The following APBB2 variants were observed in gnomAD, a reference collection of about 807,000 sequenced individuals.
The protein encoded by APBB2 is amyloid beta precursor protein binding family B member 2, also known as Fe65-like 1.
A neutral mutation model predicts 82.5 loss-of-function variants in APBB2; 38 were observed. The observed-to-expected ratio is 0.46, with a 90% confidence interval of 0.36 to 0.60. APBB2 has a LOEUF of 0.60. APBB2 is among the 20% of genes least tolerant of loss of function. The probability of loss-of-function intolerance (pLI) is 0.00; values close to 1 mark genes in which losing one functional copy is unlikely to be tolerated. For synonymous variants in APBB2, 341 were observed against 368.2 expected (o/e 0.93, Z 0.85); for missense variants, 772 against 972.3 (o/e 0.79, Z 2.74).
chr4:41,031,464 G>T (rs1319081122), intron 5 of APBB2, among the ~76,000 whole-genome samples: 1 of 152,150 alleles, frequency 6.6e-6, no homozygotes, highest in African/African-American at 2.4e-5. Flanking sequence ...TGTGTTATAT[G>T]TCATACCGAT....
At chr4:41,020,935 A>G (rs775470668) in intron 5 of APBB2, among the ~76,000 whole-genome samples, 8 of 152,206 alleles carry the variant, frequency 5.3e-5, no homozygotes, top group Non-Finnish European at 8.8e-5. Flanking sequence ...GATGCCGCCC[A>G]GCGTTTACAG....
chr4:41,178,935 C>G (rs1257834264), intron 1 of APBB2, among the ~76,000 whole-genome samples: 1 of 152,190 alleles, frequency 6.6e-6, no homozygotes, highest in African/African-American at 2.4e-5. Flanking sequence ...TTCCACCCAC[C>G]CAGAACTGCC....
chr4:40,904,251 C>G (rs1028638424), intron 10 of APBB2, among the ~76,000 whole-genome samples: 3 of 151,834 alleles, frequency 2.0e-5, no homozygotes, highest in Admixed American at 2.0e-4. Flanking sequence ...GCCAACATGG[C>G]GAAACCCCGT....
At chr4:41,095,605 T>G (rs1743212050) in intron 3 of APBB2, among the ~76,000 whole-genome samples, 2 of 152,158 alleles carry the variant, frequency 1.3e-5, no homozygotes, top group African/African-American at 4.8e-5. Context: ...CATCCCATTG[T>G]GTAAATTATA....
intron 6 of APBB2, among the ~76,000 whole-genome samples, chr4:40,973,995 G>C (rs563675981): frequency 7.5e-4 from 114 of 152,074 alleles, no homozygotes; most frequent in African/African-American, 2.6e-3. Flanking sequence ...GGGATTACAG[G>C]CACGCGCCAC....
chr4:40,995,667 G>T (rs906729626), intron 6 of APBB2, among the ~76,000 whole-genome samples: 10 of 151,084 alleles, frequency 6.6e-5, no homozygotes, highest in Non-Finnish European at 1.0e-4. Context: ...AGCCTCCTAC[G>T]TAGCTGACGC....
At chr4:40,986,476 G>T (rs1202602149) in intron 6 of APBB2, among the ~76,000 whole-genome samples, 1 of 152,210 alleles carries the variant, frequency 6.6e-6, no homozygotes, top group Non-Finnish European at 1.5e-5. Context: ...TTGTGTGGGA[G>T]AGTACACATA....
At chr4:40,931,757 C>A (rs867177897) in intron 10 of APBB2, among the ~76,000 whole-genome samples, 6 of 152,008 alleles carry the variant, frequency 3.9e-5, no homozygotes, top group African/African-American at 1.2e-4. Context: ...ATTATTCCAG[C>A]CCAGACTGAT....
At chr4:40,976,875 C>G (rs1375371051) in intron 6 of APBB2, among the ~76,000 whole-genome samples, 3 of 151,804 alleles carry the variant, frequency 2.0e-5, no homozygotes, top group Non-Finnish European at 2.9e-5. Flanking sequence ...ATAGTGAGAC[C>G]CCATCCTATA....
chr4:41,181,052 T>A (rs934383112), intron 1 of APBB2, among the ~76,000 whole-genome samples: 1 of 152,328 alleles, frequency 6.6e-6, no homozygotes, highest in Admixed American at 6.5e-5. Context: ...ATCCCATCAA[T>A]TACATTTAAA....
chr4:41,034,996 A>T (rs1048097664), intron 4 of APBB2, among the ~76,000 whole-genome samples: 11 of 152,212 alleles, frequency 7.2e-5, no homozygotes, highest in Admixed American at 3.9e-4. Flanking sequence ...TGATATCAGG[A>T]TGATGGGGGT....
chr4:40,958,853 G>C (rs533312978), intron 6 of APBB2, among the ~76,000 whole-genome samples: 1 of 152,264 alleles, frequency 6.6e-6, no homozygotes, highest in Admixed American at 6.5e-5. Flanking sequence ...TGATCCTCCC[G>C]CCTCGGCCTT....
chr4:40,846,063 TGCCCTTGGTCAGG>T (rs1273022265), intron 12 of APBB2, among the ~76,000 whole-genome samples: 1 of 151,530 alleles, frequency 6.6e-6, no homozygotes, highest in Non-Finnish European at 1.5e-5. Context: ...ATCAGCTGTC[TGCCCTTGGTCAGG>T]GCCCTTAGCC....
chr4:41,064,742 C>T (rs1218882372), intron 4 of APBB2, among the ~76,000 whole-genome samples: 3 of 152,184 alleles, frequency 2.0e-5, no homozygotes, highest in Non-Finnish European at 4.4e-5. Context: ...AAGGTCATCC[C>T]TGAGGGAACT....
intron 12 of APBB2, among the ~76,000 whole-genome samples, chr4:40,836,607 G>C (rs1346927824): frequency 2.0e-5 from 3 of 152,200 alleles, no homozygotes; most frequent in Admixed American, 2.0e-4. Context: ...AAATTGCTGG[G>C]GAAGAGGGCA....
At chr4:41,011,138 GATT>G (rs201959757) in intron 6 of APBB2, among the ~76,000 whole-genome samples, 64 of 149,266 alleles carry the variant, frequency 4.3e-4, no homozygotes, top group African/African-American at 1.2e-3. Context: ...TTTTAAAATT[GATT>G]ATTATTGTTT....
rs192143203 is a variant in APBB2 at position 41,175,030 on chromosome 4, C to T, written c.-416-31888G>A. 6.2e-4 allele frequency among the ~76,000 whole-genome samples: 95 copies of T among 152,166 alleles called. No individual in the cohort carries two copies. The East Asian group carries it at 0.013, about 21-fold the overall frequency. Reference sequence around the variant, plus strand: ...CCACATCCCTCTATAAGATCAGTTCCTCTACCATGAGTATTATTTAAGGAA... The same window carrying T: ...CCACATCCCTCTATAAGATCAGTTCTTCTACCATGAGTATTATTTAAGGAA... On this transcript the variant is annotated intron_variant, in intron 1 of 17. Transcript: ENST00000508593.
chr4:41,105,080 G>A (rs1477104252), intron 2 of APBB2, among the ~76,000 whole-genome samples: 1 of 152,224 alleles, frequency 6.6e-6, no homozygotes, highest in African/African-American at 2.4e-5. Flanking sequence ...AGAATGTGCT[G>A]AGGATTGAAA....
intron 5 of APBB2, among the ~76,000 whole-genome samples, chr4:41,021,263 T>A (rs1811414154): frequency 6.6e-6 from 1 of 152,142 alleles, no homozygotes; most frequent in African/African-American, 2.4e-5. Flanking sequence ...CACGGCCCGG[T>A]CTTCGCCCCT....
Sources: gnomAD v4.1 joint callset for allele counts (sites outside exome capture counted in the v4.1 genomes callset) on GRCh38, gnomAD v4.1.1 for gene constraint, MANE v1.5 for transcripts, NCBI Gene and HGNC (gene_info 2026-07-23, HGNC 2026-07-21) for gene names.